Variants in P4HB observed in about 807,000 individuals in gnomAD.
The protein encoded by P4HB is prolyl 4-hydroxylase subunit beta, also known as protein disulfide-isomerase.
A neutral mutation model predicts 52.6 loss-of-function variants in P4HB; 20 were observed. The ratio of observed to expected loss-of-function variants is 0.38; its 90% CI spans 0.27 to 0.55. The LOEUF (loss-of-function observed/expected upper bound fraction) is 0.55, where lower values mean the gene tolerates loss of function less well. P4HB is among the 20% of genes least tolerant of loss of function. The pLI is 0.74. For synonymous variants in P4HB, 296 were observed against 277.9 expected, an observed-to-expected ratio of 1.07 and a Z score of -0.65; for missense variants, 601 against 669.2, an observed-to-expected ratio of 0.90 and a Z score of 1.12.
rs2038734037 is a variant in P4HB, at chr17:81,846,260, A to G, written c.1056+169T>C. On this transcript the variant is annotated intron_variant, in intron 7 of 10. Transcript: ENST00000331483. This position sits in a 1 kb window ranked among gnomAD's most constrained non-coding sequence, Gnocchi z 5.7. ...GCCGTGTGGACAAGAGGGCTCCTAC[A>G]GGTCCCCAAAGGTGTGACAAGAATG... 2 of 714,016 alleles carry G rather than the reference A, an allele frequency of 2.8e-6. No individual in the cohort carries two copies. The highest frequency in any genetic ancestry group is 5.3e-5 in the East Asian group (2 of 37,528). 44.2% of individuals were successfully genotyped at this position (714,016 alleles called of 1,614,324 possible).
intron 4 of P4HB, among the ~76,000 whole-genome samples, chr17:81,852,815 A>G (rs2038853031): frequency 6.6e-6 from 1 of 152,252 alleles, no homozygotes; most frequent in Non-Finnish European, 1.5e-5. Flanking sequence ...CACAGCGGCC[A>G]CTGCAGACAT....
chr17:81,859,411 G>A (rs1350505420), intron 1 of P4HB, 24 bp from the exon 2 acceptor site: 5 of 1,603,572 alleles, frequency 3.1e-6, no homozygotes, highest in Non-Finnish European at 4.3e-6. Flanking sequence ...TGAGATGCTA[G>A]AAAGCAGCCT....
chr17:81,843,892 T>G lies in P4HB; in HGVS notation c.*120A>C. On this transcript the variant is annotated 3_prime_UTR_variant, in exon 11 of 11. Transcript: ENST00000331483. ...GGGGTGAGGTGTCACTTCAGAGAGG[T>G]TCCCTGGGTTTCCGGCGACGCCCTC... The G allele has an allele frequency of 1.3e-6, 1 of 760,746 alleles. No individual in the cohort carries two copies. 47.1% of individuals were successfully genotyped at this position (760,746 alleles called of 1,614,324 possible).
intron 1 of P4HB, chr17:81,859,608 C>T: frequency 1.7e-6 from 1 of 572,284 alleles, no homozygotes; most frequent in Admixed American, 3.0e-5. Flanking sequence ...CAACCAACAC[C>T]AGCCCCCACT....
At position 81,843,384 on chromosome 17, in the gene P4HB, G is replaced by A. The variant is rs2038682520; in HGVS notation, c.*628C>T. On this transcript the variant is annotated 3_prime_UTR_variant, in exon 11 of 11. Coordinates refer to ENST00000331483, the MANE Select transcript of P4HB (RefSeq NM_000918.4). Reference sequence around the variant, plus strand: ...CAGGAGGAGGAGCCCTGGCTTGAGGGAAGGGGAAGGCCCAGGCCTGTGCCG... The same window carrying A: ...CAGGAGGAGGAGCCCTGGCTTGAGGAAAGGGGAAGGCCCAGGCCTGTGCCG... The A allele has an allele frequency of 1.0e-5, 4 of 398,038 alleles. No homozygotes were observed. The East Asian group carries it at 1.4e-4, about 14-fold the overall frequency. The allele number at this position is 398,038 out of a possible 1,614,324, so 24.7% of individuals were successfully genotyped here.
Position 81,860,414 on chromosome 17 carries a change from G to A in P4HB, c.58C>T (p.Pro20Ser). 1 of 1,435,802 alleles carries A rather than the reference G, an allele frequency of 7.0e-7. No homozygotes were observed. 88.9% of individuals were successfully genotyped at this position (1,435,802 alleles called of 1,614,324 possible). A position where few individuals can be genotyped will look rare whatever the true frequency, so the allele number is the denominator to read the frequency against. The change falls in exon 1 of 11, where the codon CCC becomes TCC. Residue 20 changes from proline to serine, a missense_variant. Coordinates refer to ENST00000331483, the MANE Select transcript of P4HB (RefSeq NM_000918.4). ...AVAALVRADA[P>S]EEEDHVLVLR... ...ACCAGGACGTGGTCCTCCTCCTCGG[G>A]GGCGTCGGCGCGCACCAGGGCGGCC...
At chr17:81,851,504 C>G (rs1356117764) in intron 4 of P4HB, among the ~76,000 whole-genome samples, 1 of 152,228 alleles carries the variant, frequency 6.6e-6, no homozygotes, top group Non-Finnish European at 1.5e-5. Flanking sequence ...TAAGGAGAGG[C>G]AGAAAAGCCA....
chr17:81,854,645 T>C (rs1025976728), intron 4 of P4HB, among the ~76,000 whole-genome samples: 1 of 151,658 alleles, frequency 6.6e-6, no homozygotes, highest in African/African-American at 2.4e-5. Context: ...AAGAGATTGA[T>C]ACCATCCTGG....
In P4HB at chr17:81,856,334, CTTTTTTTT is replaced by C. The variant is rs531626630; in HGVS notation, c.353-756_353-749del. On this transcript the variant is annotated intron_variant, in intron 2 of 10. Coordinates refer to ENST00000331483, the MANE Select transcript of P4HB (RefSeq NM_000918.4). ...GGCATGTGCCACCACACCCAACTAA[CTTTTTTTT>C]TTTTTTTTTTTTGAGGCGGAGTTTT... Among the ~76,000 whole-genome samples, 5 of 130,908 alleles carry C rather than the reference CTTTTTTTT, an allele frequency of 3.8e-5. No individual in the cohort carries two copies. In the Admixed American group the frequency reaches 3.9e-4, roughly 10 times the overall value. The allele number at this position is 130,908 out of a possible 152,430, so 85.9% of individuals were successfully genotyped here. A position where few individuals can be genotyped will look rare whatever the true frequency, so the allele number is the denominator to read the frequency against.
chr17:81,859,457 T>C, intron 1 of P4HB, 70 bp from the exon 2 acceptor site: 1 of 1,311,350 alleles, frequency 7.6e-7, no homozygotes, highest in Non-Finnish European at 1.1e-6. Context: ...TCAGCAGTGC[T>C]TCCCTTTTTC....
At chr17:81,848,305 G>A (rs1486216283) in intron 4 of P4HB, among the ~76,000 whole-genome samples, 6 of 152,372 alleles carry the variant, frequency 3.9e-5, no homozygotes, top group Middle Eastern at 3.4e-3. Context: ...GCATGGTGTC[G>A]CAAGAGCAGG....
At chr17:81,844,715 G>A (rs868110532) in intron 10 of P4HB, among the ~76,000 whole-genome samples, 7 of 152,154 alleles carry the variant, frequency 4.6e-5, no homozygotes, top group Admixed American at 2.0e-4. Flanking sequence ...CTGCTTCCCC[G>A]GCAGAGTCAC....
intron 4 of P4HB, among the ~76,000 whole-genome samples, chr17:81,849,495 A>G (rs2038794474): frequency 6.6e-6 from 1 of 152,158 alleles, no homozygotes; most frequent in Non-Finnish European, 1.5e-5. Flanking sequence ...ACTTCATCTC[A>G]AAAAATAAAA....
At chr17:81,859,670 T>G in intron 1 of P4HB, 1 of 475,942 alleles carries the variant, frequency 2.1e-6, no homozygotes, top group Non-Finnish European at 3.8e-6. Flanking sequence ...GGTTGCTGAC[T>G]TCTTATTCCC....
intron 4 of P4HB, among the ~76,000 whole-genome samples, chr17:81,852,038 C>T (rs543541718): frequency 1.0e-3 from 155 of 152,270 alleles, no homozygotes; most frequent in Middle Eastern, 3.4e-3. Context: ...TAAAAAATAG[C>T]CAGGTGCGGT....
At position 81,855,423 on chromosome 17, in the gene P4HB, G is replaced by A. The variant is rs771137032; in HGVS notation, c.486+30C>T. 10 of 1,600,616 alleles carry A rather than the reference G, an allele frequency of 6.2e-6. No individual in the cohort carries two copies. The Admixed American group carries it at 1.4e-4, about 22-fold the overall frequency. On this transcript the variant is annotated intron_variant, in intron 3 of 10. Transcript: ENST00000331483. The surrounding 1 kb of genome is among the most constrained non-coding windows in gnomAD (Gnocchi z 4.3). ...ACCCCTCCTCAATGGATGACGGAAG[G>A]AAGGAAGACTGGAATGCTCTGGTCT... is the stretch of plus-strand genomic sequence containing the variant.
intron 2 of P4HB, among the ~76,000 whole-genome samples, chr17:81,857,724 G>A (rs1005118538): frequency 1.4e-4 from 22 of 152,132 alleles, no homozygotes; most frequent in African/African-American, 3.6e-4. Flanking sequence ...CACCAAAGGC[G>A]GTCAACTGAC....
intron 4 of P4HB, among the ~76,000 whole-genome samples, chr17:81,853,884 T>C (rs1378884619): frequency 3.3e-5 from 5 of 152,146 alleles, no homozygotes; most frequent in Non-Finnish European, 7.4e-5. Flanking sequence ...AGAGCACAAG[T>C]GTGCGGCCCC....
At chr17:81,854,226 T>TCA (rs1288691574) in intron 4 of P4HB, among the ~76,000 whole-genome samples, 1 of 152,250 alleles carries the variant, frequency 6.6e-6, no homozygotes, top group Non-Finnish European at 1.5e-5. Context: ...ACGCTCTGAA[T>TCA]GTAGTTAATA....
Sources: gnomAD v4.1 joint callset for allele counts (sites outside exome capture counted in the v4.1 genomes callset) on GRCh38, gnomAD v4.1.1 for gene constraint, Gnocchi (gnomAD v3.1) non-coding constraint, MANE v1.5 for transcripts, NCBI Gene and HGNC (gene_info 2026-07-23, HGNC 2026-07-21) for gene names.